PDE4DIP: variants seen among roughly 807,000 people sequenced by gnomAD.
PDE4DIP encodes the protein myomegalin.
In PDE4DIP, 59 loss-of-function variants were observed where a neutral mutation model predicts 221.4. That is an observed-to-expected ratio of 0.27 (90% CI 0.22 to 0.33). PDE4DIP has a LOEUF of 0.33. PDE4DIP is among the 10% of genes least tolerant of loss of function. The pLI, the probability that PDE4DIP is intolerant of heterozygous loss-of-function variation, is 1.00. For missense variants in PDE4DIP, 1,036 were observed against 2,154.2 expected (o/e 0.48, Z 10.28); for synonymous variants, 404 against 815.9 (o/e 0.50, Z 8.60).
intron 21 of PDE4DIP, among the ~76,000 whole-genome samples, chr1:148,987,823 C>G (rs1285059784): frequency 6.6e-6 from 1 of 152,048 alleles, no homozygotes; most frequent in East Asian, 1.9e-4. Flanking sequence ...GTCACAGTTA[C>G]TTGGAGGCTG....
rs1265082429 is a variant in PDE4DIP, at chr1:149,030,024, T to G, written c.6952+99T>G. On this transcript the variant is annotated intron_variant, in intron 42 of 43. Transcript: ENST00000369354. The stretch of plus-strand genomic sequence containing the variant: ...AGTGACCAGGGGGGCTTGGGGATGT[T>G]GGGAGTTGAGACTGATTTGATGTCC... 24 of 678,676 alleles carry G rather than the reference T, an allele frequency of 3.5e-5. No homozygotes were observed. In the African/African-American group the frequency reaches 4.6e-4, roughly 13 times the overall value. 42.0% of individuals were successfully genotyped at this position (678,676 alleles called of 1,614,324 possible).
chr1:148,992,198 C>T (rs868929543), intron 22 of PDE4DIP: 1 of 763,316 alleles, frequency 1.3e-6, no homozygotes, highest in Non-Finnish European at 2.3e-6. Context: ...TATTGTATCT[C>T]TTTCTTCTGC....
intron 1 of PDE4DIP, among the ~76,000 whole-genome samples, chr1:148,820,940 C>G (rs1669029544): frequency 6.7e-6 from 1 of 149,310 alleles, no homozygotes; most frequent in Non-Finnish European, 1.5e-5. Context: ...AGGCTCCGCC[C>G]CCTGGGGTTC....
At chr1:149,000,747 C>T (rs1262364937) in intron 23 of PDE4DIP, among the ~76,000 whole-genome samples, 14 of 150,984 alleles carry the variant, frequency 9.3e-5, no homozygotes, top group Middle Eastern at 3.4e-3. Flanking sequence ...CTAGCCATAC[C>T]GTATATGCAA....
intron 21 of PDE4DIP, among the ~76,000 whole-genome samples, chr1:148,988,292 TA>T (rs1420072972): frequency 1.4e-5 from 2 of 145,826 alleles, no homozygotes; most frequent in Admixed American, 1.4e-4. Context: ...ATAACAATAA[TA>T]ATATTGTTTA....
intron 1 of PDE4DIP, among the ~76,000 whole-genome samples, chr1:148,813,084 T>C (rs10910733): frequency 0.21 from 11,238 of 54,818 alleles, 1,493 homozygotes; most frequent in African/African-American, 0.3. Context: ...TGTGCACATG[T>C]CTTTCATTTC....
chr1:148,922,738 C>T (rs1407048470), intron 1 of PDE4DIP, among the ~76,000 whole-genome samples: 1 of 149,988 alleles, frequency 6.7e-6, no homozygotes, highest in Admixed American at 6.6e-5. Context: ...CAGGTGCCCG[C>T]CACCACACCC....
intron 1 of PDE4DIP, among the ~76,000 whole-genome samples, chr1:148,827,829 A>C (rs1349770063): frequency 1.8e-5 from 1 of 56,886 alleles, no homozygotes; most frequent in Non-Finnish European, 3.9e-5. Context: ...TATATGTTGA[A>C]AATTTTAAAT....
chr1:148,899,457 A>AC (rs2040182875), intron 1 of PDE4DIP, among the ~76,000 whole-genome samples: 1 of 129,514 alleles, frequency 7.7e-6, no homozygotes, highest in Non-Finnish European at 1.6e-5. Context: ...CAAAGGGGGC[A>AC]CTTCTATCCC....
At chr1:149,020,661 C>T in intron 36 of PDE4DIP, 1 of 362,820 alleles carries the variant, frequency 2.8e-6, no homozygotes, top group East Asian at 5.6e-5. Flanking sequence ...CTCACCATCA[C>T]CTAGGAAGCT....
At chr1:148,867,720 A>AC (rs1279365064) in intron 2 of PDE4DIP, among the ~76,000 whole-genome samples, 1 of 132,130 alleles carries the variant, frequency 7.6e-6, no homozygotes, top group Non-Finnish European at 1.7e-5. Flanking sequence ...ATGCATTTAC[A>AC]CATGGTCTGT....
chr1:148,934,147 C>T (rs1374886488), intron 4 of PDE4DIP, among the ~76,000 whole-genome samples: 3 of 150,630 alleles, frequency 2.0e-5, no homozygotes, highest in African/African-American at 7.4e-5. Flanking sequence ...TAGTGAACCT[C>T]ACTAAGGCAT....
At chr1:149,030,260 G>A (rs782535743) in exon 43 of PDE4DIP, 1 of 1,520,732 alleles carries the variant, frequency 6.6e-7, no homozygotes, top group Non-Finnish European at 8.9e-7. Context: ...TTTTAAAGAA[G>A]GCAAGGACTA....
exon 18 of PDE4DIP, chr1:148,977,964 A>T (rs782342374): frequency 6.2e-7 from 1 of 1,614,136 alleles, no homozygotes; most frequent in East Asian, 2.2e-5. Flanking sequence ...ACAGTCCATG[A>T]TGGCTGTGCA....
chr1:149,017,749 G>A, exon 34 of PDE4DIP: 1 of 1,586,946 alleles, frequency 6.3e-7, no homozygotes, highest in African/African-American at 1.4e-5. Flanking sequence ...TGGCCGCAGG[G>A]GCTGACCTGC....
At chr1:148,987,016 T>G (rs1406341315) in intron 21 of PDE4DIP, among the ~76,000 whole-genome samples, 1 of 152,180 alleles carries the variant, frequency 6.6e-6, no homozygotes, top group African/African-American at 2.4e-5. Context: ...ATAATTACCC[T>G]TTTGGAGAAG....
chr1:149,017,829 G>T, exon 34 of PDE4DIP: 1 of 1,613,468 alleles, frequency 6.2e-7, no homozygotes, highest in Non-Finnish European at 8.5e-7. Context: ...ATCAATGACC[G>T]CCTACGGGAG....
chr1:148,958,868 A>G (rs1478876122), intron 5 of PDE4DIP, among the ~76,000 whole-genome samples: 2 of 152,160 alleles, frequency 1.3e-5, no homozygotes, highest in Non-Finnish European at 2.9e-5. Context: ...GGCTCACATT[A>G]TATTTCTACT....
intron 1 of PDE4DIP, among the ~76,000 whole-genome samples, chr1:148,918,622 T>TACAC (rs57116412): frequency 0.015 from 1,414 of 92,094 alleles, 152 homozygotes; most frequent in African/African-American, 0.029. Flanking sequence ...TCTCTCTCTC[T>TACAC]ACACACACAC....
Sources: gnomAD v4.1 joint callset for allele counts (sites outside exome capture counted in the v4.1 genomes callset) on GRCh38, gnomAD v4.1.1 for gene constraint, MANE v1.5 for transcripts, NCBI Gene and HGNC (gene_info 2026-07-23, HGNC 2026-07-21) for gene names.